The following AGAP5 variants were observed in gnomAD, a reference collection of about 807,000 sequenced individuals.
AGAP5 encodes arf-GAP with GTPase, ANK repeat and PH domain-containing protein 5.
AGAP5 carries 8 observed loss-of-function variants against 27.7 expected under a neutral mutation model. The ratio of observed to expected loss-of-function variants is 0.29; its 90% CI spans 0.17 to 0.52. AGAP5 has a LOEUF of 0.52. AGAP5 is among the 20% of genes least tolerant of loss of function. The pLI, the probability that AGAP5 is intolerant of heterozygous loss-of-function variation, is 0.97. For synonymous variants in AGAP5, 111 were observed against 338.0 expected (o/e 0.33, Z 7.37); for missense variants, 285 against 880.8 (o/e 0.32, Z 8.56).
At chr10:73,690,411 C>T (rs1468125620) in intron 4 of AGAP5, among the ~76,000 whole-genome samples, 1 of 152,084 alleles carries the variant, frequency 6.6e-6, no homozygotes, top group Non-Finnish European at 1.5e-5. Flanking sequence ...TTGAAGGCAG[C>T]ATGCTCCTTA....
chr10:73,681,517 T>C (rs1010999061), intron 5 of AGAP5: 2 of 938,684 alleles, frequency 2.1e-6, no homozygotes, highest in African/African-American at 3.5e-5. Flanking sequence ...ATTTGCCCTA[T>C]TAATTTGTTC....
intron 3 of AGAP5, among the ~76,000 whole-genome samples, chr10:73,692,785 G>A (rs1236066974): frequency 6.6e-6 from 1 of 151,766 alleles, no homozygotes; most frequent in African/African-American, 2.4e-5. Context: ...TGGGACTACA[G>A]GCACGTGCCA....
In AGAP5 at chr10:73,697,615, A is replaced by G; in HGVS notation, c.141T>C (p.Ala47=). Residue 47 remains alanine (A), a synonymous_variant, in exon 1 of 8, where the codon GCT becomes GCC. Transcript: ENST00000374094. ...CGGTCACCTCAGCAGGCTGCACAGC[A>G]GCAGCCATGGGCGCTCCTGCCATCC... The part of the protein sequence containing the change: ...GDRMAGAPMA[A]AVQPAEVTVE... 1 of 1,610,054 alleles carries G rather than the reference A, an allele frequency of 6.2e-7. No homozygotes were observed. The highest frequency in any genetic ancestry group is 1.3e-5 in the African/African-American group (1 of 75,030).
rs1428869317 is a variant in AGAP5, at chr10:73,697,937, C to A, written c.-182G>T. ...GCCCCGGCCCCGGCCCCGGCTAGGG[C>A]TGCGGGTCAAGGCCCACACCCTGCT... is the stretch of plus-strand genomic sequence containing the variant. On this transcript the variant is annotated 5_prime_UTR_variant, in exon 1 of 8. Transcript: ENST00000374094. 3 of 1,522,742 alleles carry A rather than the reference C, an allele frequency of 2.0e-6. No homozygotes were observed. The African/African-American group carries it at 4.1e-5, about 21-fold the overall frequency. The allele number at this position is 1,522,742 out of a possible 1,614,324, so 94.3% of individuals were successfully genotyped here. A position where few individuals can be genotyped will look rare whatever the true frequency, so the allele number is the denominator to read the frequency against.
chr10:73,674,455 T>C lies in AGAP5; in HGVS notation c.*144A>G. On this transcript the variant is annotated 3_prime_UTR_variant, in exon 8 of 8. Coordinates refer to ENST00000374094, the MANE Select transcript of AGAP5 (RefSeq NM_001144000.4). ...TGTCTTATGGTCAGAAAAATCAACA[T>C]TTTGTGTATTTACTTAGTTTATGAA... is the stretch of plus-strand genomic sequence containing the variant. 1 of 1,548,878 alleles carries C rather than the reference T, an allele frequency of 6.5e-7. No individual in the cohort carries two copies.
chr10:73,678,232 A>G (rs1160081035), intron 6 of AGAP5, among the ~76,000 whole-genome samples: 1 of 152,204 alleles, frequency 6.6e-6, no homozygotes, highest in Admixed American at 6.5e-5. Flanking sequence ...TGTCTCTATC[A>G]AACATATAAG....
At chr10:73,676,163 A>G in intron 7 of AGAP5, 89 bp from the exon 8 acceptor site, 1 of 1,592,494 alleles carries the variant, frequency 6.3e-7, no homozygotes, top group Non-Finnish European at 8.6e-7. Context: ...TTTTAAAAAG[A>G]TACATTTTCT....
chr10:73,679,096 A>G (rs1483326859), intron 6 of AGAP5, among the ~76,000 whole-genome samples: 1 of 141,372 alleles, frequency 7.1e-6, no homozygotes, highest in Non-Finnish European at 1.6e-5. Flanking sequence ...CAAGTGATCC[A>G]CCCACCTCAG....
At position 73,698,031 on chromosome 10, in the gene AGAP5, A is replaced by G. The variant is rs1459836966; in HGVS notation, c.-276T>C. On this transcript the variant is annotated 5_prime_UTR_variant, in exon 1 of 8. Coordinates refer to ENST00000374094, the MANE Select transcript of AGAP5 (RefSeq NM_001144000.4). ...GCTTATTTAATAGGTTGTGAACCCA[A>G]CAAGCGCTGAGAGACACAACAACTG... The G allele has an allele frequency of 7.1e-7, 1 of 1,409,044 alleles. No individual in the cohort carries two copies. The highest frequency in any genetic ancestry group is 2.8e-5 in the Admixed American group (1 of 35,486). 87.3% of individuals were successfully genotyped at this position (1,409,044 alleles called of 1,614,324 possible).
rs748920080 is a variant in AGAP5, at chr10:73,697,683, A to G, written c.73T>C (p.Cys25Arg). The G allele has an allele frequency of 1.4e-5, 22 of 1,599,212 alleles. No homozygotes were observed. In the South Asian group the frequency reaches 2.3e-4, roughly 17 times the overall value. ...LEFDQQQGSV[C>R]PSESEIYEAG... ...TCATAGATCTCAGATTCAGAGGGAC[A>G]CACCGACCCCTGTTGCTGGTCAAAC... Residue 25 changes from cysteine to arginine, a missense_variant, in exon 1 of 8, where the codon TGT becomes CGT. Coordinates refer to ENST00000374094, the MANE Select transcript of AGAP5 (RefSeq NM_001144000.4).
chr10:73,694,119 G>C (rs1380365759), intron 3 of AGAP5, among the ~76,000 whole-genome samples: 1 of 152,178 alleles, frequency 6.6e-6, no homozygotes, highest in Non-Finnish European at 1.5e-5. Context: ...TGTATGGCTT[G>C]TTGGCAAATA....
intron 2 of AGAP5, among the ~76,000 whole-genome samples, chr10:73,695,864 GA>G (rs1386989105): frequency 6.6e-6 from 1 of 152,028 alleles, no homozygotes; most frequent in Non-Finnish European, 1.5e-5. Flanking sequence ...TTTTATTCAA[GA>G]ACCATATTAT....
chr10:73,694,771 G>C lies in AGAP5; in HGVS notation c.326C>G (p.Ala109Gly). The part of the protein sequence containing the change: ...LEFNPSANPE[A>G]STIFQRNSQT... ...AGAGTTCCTCTGGAATATTGTGCTT[G>C]CCTCTGGATTGGCAGAAGGGTTAAA... The change falls in exon 3 of 8, where the codon GCA (alanine) becomes GGA (glycine). Residue 109 changes from alanine to glycine, a missense_variant. Physicochemically the swap from Ala to Gly is moderately conservative, Grantham distance 60 (BLOSUM62 0). Transcript: ENST00000374094. 6.3e-7 allele frequency: 1 copy of C among 1,598,176 alleles called. No homozygotes were observed. Among genetic ancestry groups the C allele is most frequent in the Non-Finnish European group, 8.5e-7 (1 of 1,179,656 alleles).
chr10:73,687,770 G>A (rs1305165696), intron 4 of AGAP5, among the ~76,000 whole-genome samples: 2 of 152,002 alleles, frequency 1.3e-5, no homozygotes, highest in Non-Finnish European at 1.5e-5. Flanking sequence ...ATCTCCCTCC[G>A]GAAACCTCAT....
intron 4 of AGAP5, among the ~76,000 whole-genome samples, chr10:73,687,557 TG>T (rs2082075716): frequency 6.6e-6 from 1 of 152,220 alleles, no homozygotes; most frequent in African/African-American, 2.4e-5. Flanking sequence ...TGTGAAGTAA[TG>T]GGAAGTATAT....
intron 4 of AGAP5, among the ~76,000 whole-genome samples, chr10:73,689,675 C>T (rs537139485): frequency 2.9e-4 from 44 of 151,970 alleles, no homozygotes; most frequent in Admixed American, 4.6e-4. Flanking sequence ...CTCTGCCCGG[C>T]CGCCCCGTCT....
At chr10:73,676,483 CAAA>C (rs3998278) in intron 7 of AGAP5, among the ~76,000 whole-genome samples, 2 of 131,876 alleles carry the variant, frequency 1.5e-5, no homozygotes, top group African/African-American at 2.8e-5. Context: ...GAGAGTCCAT[CAAA>C]AAAAAAAAAA....
chr10:73,692,651 T>C (rs1014075354), intron 3 of AGAP5, among the ~76,000 whole-genome samples: 2 of 144,816 alleles, frequency 1.4e-5, no homozygotes, highest in Admixed American at 6.9e-5. Context: ...TTTTTTTTTT[T>C]TTTTTTTTTG....
intron 3 of AGAP5, among the ~76,000 whole-genome samples, chr10:73,693,571 C>T (rs2082136727): frequency 6.6e-6 from 1 of 151,742 alleles, no homozygotes; most frequent in Non-Finnish European, 1.5e-5. Context: ...TTATTGTGCC[C>T]ACCTATAGTC....
Sources: gnomAD v4.1 joint callset for allele counts (sites outside exome capture counted in the v4.1 genomes callset) on GRCh38, gnomAD v4.1.1 for gene constraint, MANE v1.5 for transcripts, NCBI Gene and HGNC (gene_info 2026-07-23, HGNC 2026-07-21) for gene names.